Variants in RPS6KA1 observed in about 807,000 individuals in gnomAD.
The protein encoded by RPS6KA1 is ribosomal protein S6 kinase A1, also known as ribosomal protein S6 kinase alpha-1.
In RPS6KA1, 48 loss-of-function variants were observed where a neutral mutation model predicts 91.3. That is an observed-to-expected ratio of 0.53 (90% confidence interval 0.42 to 0.67). The LOEUF (loss-of-function observed/expected upper bound fraction) is 0.67, where lower values mean the gene tolerates loss of function less well. Among genes scored for constraint, RPS6KA1 ranks in the 30% least tolerant of loss-of-function variants. The pLI is 0.00. For synonymous variants in RPS6KA1, 359 were observed against 384.7 expected (o/e 0.93, Z 0.78); for missense variants, 719 against 960.5 (o/e 0.75, Z 3.32).
In RPS6KA1 at chr1:26,573,430, G is replaced by A. The variant is rs1003692646; in HGVS notation, c.2085+69G>A. 13 of 1,571,848 alleles carry A rather than the reference G, an allele frequency of 8.3e-6. No homozygotes were observed. The Admixed American group carries it at 2.2e-4, about 27-fold the overall frequency. The stretch of plus-strand genomic sequence containing the variant: ...AAGGTGGCATGGTCAGGGACTTGTG[G>A]AAGAGCCAGGCAATGCCATGTCTGT... On this transcript the variant is annotated intron_variant, in intron 21 of 21. Coordinates refer to ENST00000374168, the MANE Select transcript of RPS6KA1 (RefSeq NM_002953.4).
intron 1 of RPS6KA1, among the ~76,000 whole-genome samples, chr1:26,534,187 G>A (rs578012175): frequency 2.0e-5 from 3 of 152,314 alleles, no homozygotes; most frequent in South Asian, 4.1e-4. Flanking sequence ...GAGGGACCTC[G>A]GTGAGTCCCT....
At chr1:26,565,433 C>T (rs928627175) in intron 17 of RPS6KA1, among the ~76,000 whole-genome samples, 4 of 152,064 alleles carry the variant, frequency 2.6e-5, no homozygotes, top group Non-Finnish European at 5.9e-5. Context: ...TAACCAGTAC[C>T]CAGCTCAATA....
At chr1:26,567,990 T>G (rs2076218123) in intron 17 of RPS6KA1, among the ~76,000 whole-genome samples, 1 of 152,230 alleles carries the variant, frequency 6.6e-6, no homozygotes, top group Admixed American at 6.5e-5. Flanking sequence ...CCAACTCTCC[T>G]GGAGGTCACG....
Position 26,560,712 on chromosome 1 carries a change from T to C in RPS6KA1, c.1216-14T>C. On this transcript the variant is annotated splice_polypyrimidine_tract_variant and intron_variant, in intron 14 of 21. Coordinates refer to ENST00000374168, the MANE Select transcript of RPS6KA1 (RefSeq NM_002953.4). ...TAGAGCCAGGGGTCAGCCACAATTT[T>C]TGGTCTCCTACAGCAACTCCATGGG... is the stretch of plus-strand genomic sequence containing the variant. 1 of 1,614,068 alleles carries C rather than the reference T, an allele frequency of 6.2e-7. No individual in the cohort carries two copies. Among genetic ancestry groups the C allele is most frequent in the South Asian group, 1.1e-5 (1 of 91,076 alleles).
Position 26,551,860 on chromosome 1 carries a change from G to A in RPS6KA1, c.468+137G>A. On this transcript the variant is annotated intron_variant, in intron 6 of 21. Coordinates refer to ENST00000374168, the MANE Select transcript of RPS6KA1 (RefSeq NM_002953.4). This position sits in a 1 kb window ranked among gnomAD's most constrained non-coding sequence, Gnocchi z 4.5. ...ACCCAGGCCTGCCTAGCAGCCCCTG[G>A]CCCAGGAAATACCACGCACCCTGGA... 1 of 739,444 alleles carries A rather than the reference G, an allele frequency of 1.4e-6. No homozygotes were observed. Among genetic ancestry groups the A allele is most frequent in the Non-Finnish European group, 2.3e-6 (1 of 428,434 alleles). 45.8% of individuals were successfully genotyped at this position (739,444 alleles called of 1,614,324 possible).
rs2076156263 is a variant in RPS6KA1, at chr1:26,561,749, T to C, written c.1590+86T>C. On this transcript the variant is annotated intron_variant, in intron 17 of 21. Transcript: ENST00000374168. This position sits in a 1 kb window ranked among gnomAD's most constrained non-coding sequence, Gnocchi z 5.7. ...CATGAACCACCTGCTGGCCCAGGAATGGCAGCCTCCAGCTAGCCAAACTGA... is the reference window on the plus strand; with the variant it reads ...CATGAACCACCTGCTGGCCCAGGAACGGCAGCCTCCAGCTAGCCAAACTGA... The C allele has an allele frequency of 7.1e-7, 1 of 1,404,508 alleles. No homozygotes were observed. Among genetic ancestry groups the C allele is most frequent in the Non-Finnish European group, 9.7e-7 (1 of 1,033,610 alleles). 87.0% of individuals were successfully genotyped at this position (1,404,508 alleles called of 1,614,324 possible). A position where few individuals can be genotyped will look rare whatever the true frequency, so the allele number is the denominator to read the frequency against.
intron 4 of RPS6KA1, among the ~76,000 whole-genome samples, chr1:26,550,252 G>A (rs1303042620): frequency 2.1e-5 from 3 of 144,772 alleles, no homozygotes; most frequent in Non-Finnish European, 4.5e-5. Context: ...GCGTGATCTC[G>A]GCTCACTGCA....
In RPS6KA1 at chr1:26,556,846, C is replaced by T. The variant is rs1570446435; in HGVS notation, c.981+128C>T. The T allele has an allele frequency of 9.4e-6, 12 of 1,280,116 alleles. No homozygotes were observed. In the East Asian group the frequency reaches 2.8e-4, roughly 30 times the overall value. The allele number at this position is 1,280,116 out of a possible 1,614,324, so 79.3% of individuals were successfully genotyped here. ...CAGGAGCAGAGGGTCACAGCCTGCC[C>T]TTGAAGACAAGGGCTGGCCTCCTGA... On this transcript the variant is annotated intron_variant, in intron 12 of 21. Coordinates refer to ENST00000374168, the MANE Select transcript of RPS6KA1 (RefSeq NM_002953.4).
Position 26,574,507 on chromosome 1 carries a change from A to T in RPS6KA1, c.*306A>T. ...CATTTGCCTTTCTGGGAGCAGAAAC[A>T]GCCATTGCGGCCCCAGGAGGGGAAC... is the stretch of plus-strand genomic sequence containing the variant. On this transcript the variant is annotated 3_prime_UTR_variant, in exon 22 of 22. Coordinates refer to ENST00000374168, the MANE Select transcript of RPS6KA1 (RefSeq NM_002953.4). This position sits in a 1 kb window ranked among gnomAD's most constrained non-coding sequence, Gnocchi z 4.3. 9.6e-6 allele frequency: 5 copies of T among 520,372 alleles called. No homozygotes were observed. The highest frequency in any genetic ancestry group is 3.8e-6 in the Non-Finnish European group (1 of 260,130). 32.2% of individuals were successfully genotyped at this position (520,372 alleles called of 1,614,324 possible).
intron 14 of RPS6KA1, 80 bp from the exon 15 acceptor site, chr1:26,560,646 G>T: frequency 6.3e-7 from 1 of 1,577,322 alleles, no homozygotes; most frequent in Admixed American, 1.7e-5. Context: ...TGTCTCTACT[G>T]AGCCAAGACC....
At chr1:26,544,166 C>T (rs190001054) in intron 2 of RPS6KA1, 72 of 456,364 alleles carry the variant, frequency 1.6e-4, no homozygotes, top group Admixed American at 3.3e-4. Flanking sequence ...GGTGTCAGAC[C>T]TATCTGCCCT....
At chr1:26,567,791 C>T (rs2076216955) in intron 17 of RPS6KA1, among the ~76,000 whole-genome samples, 1 of 152,154 alleles carries the variant, frequency 6.6e-6, no homozygotes, top group Admixed American at 6.6e-5. Flanking sequence ...TTTCCCAAGC[C>T]CTTTGCTAAA....
At chr1:26,564,345 G>A (rs414546) in intron 17 of RPS6KA1, among the ~76,000 whole-genome samples, 34,368 of 151,768 alleles carry the variant, frequency 0.23, 4,537 homozygotes, top group East Asian at 0.63. Context: ...TGCAAGCTCC[G>A]CCTCCCAGGT....
At chr1:26,534,582 A>G (rs1189083221) in intron 1 of RPS6KA1, among the ~76,000 whole-genome samples, 1 of 152,190 alleles carries the variant, frequency 6.6e-6, no homozygotes, top group Non-Finnish European at 1.5e-5. Context: ...TAGCTCAAAA[A>G]TAGGGCCCAA....
Position 26,555,119 on chromosome 1 carries a change from T to C in RPS6KA1, c.757-32T>C, listed in dbSNP as rs776226661. On this transcript the variant is annotated intron_variant, in intron 9 of 21. Coordinates refer to ENST00000374168, the MANE Select transcript of RPS6KA1 (RefSeq NM_002953.4). The surrounding 1 kb of genome is among the most constrained non-coding windows in gnomAD (Gnocchi z 4.3). ...GCGGGAGGTGTGTCGGAGACAGGGA[T>C]CAGAGCCTGAATAGATCCTTGTCCT... 43 of 1,609,342 alleles carry C rather than the reference T, an allele frequency of 2.7e-5. No individual in the cohort carries two copies. Among genetic ancestry groups the C allele is most frequent in the Non-Finnish European group, 3.6e-5 (42 of 1,176,004 alleles).
Position 26,551,625 on chromosome 1 carries a change from C to T in RPS6KA1, c.389-19C>T, listed in dbSNP as rs978590946. On this transcript the variant is annotated intron_variant, in intron 5 of 21. Coordinates refer to ENST00000374168, the MANE Select transcript of RPS6KA1 (RefSeq NM_002953.4). The surrounding 1 kb of genome is among the most constrained non-coding windows in gnomAD (Gnocchi z 4.5). Reference sequence around the variant, plus strand: ...TAAGGCCGCGCCGACTCTACCATTGCCTTTCTCCCTCTTCCCAGCCTTCCA... The same window carrying T: ...TAAGGCCGCGCCGACTCTACCATTGTCTTTCTCCCTCTTCCCAGCCTTCCA... The T allele has an allele frequency of 6.2e-7, 1 of 1,612,768 alleles. No homozygotes were observed. The highest frequency in any genetic ancestry group is 1.3e-5 in the African/African-American group (1 of 74,902).
rs1011623714 is a variant in RPS6KA1, at chr1:26,554,830, C to T, written c.756+92C>T. ...GTGAGGGGGTTGATCATTTCTAGGG[C>T]TCTCCCCGTCTCCTCTCACAGCCAA... On this transcript the variant is annotated intron_variant, in intron 9 of 21. Coordinates refer to ENST00000374168, the MANE Select transcript of RPS6KA1 (RefSeq NM_002953.4). This position sits in a 1 kb window ranked among gnomAD's most constrained non-coding sequence, Gnocchi z 4.6. The T allele has an allele frequency of 4.1e-6, 6 of 1,454,058 alleles. No homozygotes were observed. The highest frequency in any genetic ancestry group is 2.7e-5 in the South Asian group (2 of 74,010). The allele number at this position is 1,454,058 out of a possible 1,614,324, so 90.1% of individuals were successfully genotyped here. A position where few individuals can be genotyped will look rare whatever the true frequency, so the allele number is the denominator to read the frequency against.
chr1:26,536,818 C>T, intron 1 of RPS6KA1, 107 bp from the exon 2 acceptor site: 1 of 1,258,606 alleles, frequency 7.9e-7, no homozygotes, highest in Non-Finnish European at 1.2e-6. Flanking sequence ...ACCACCATGG[C>T]CTCCATGGCT....
Position 26,558,763 on chromosome 1 carries a change from G to A in RPS6KA1, c.1085-44G>A, listed in dbSNP as rs765152714. 4 of 1,573,092 alleles carry A rather than the reference G, an allele frequency of 2.5e-6. No homozygotes were observed. The highest frequency in any genetic ancestry group is 2.6e-6 in the Non-Finnish European group (3 of 1,150,510). On this transcript the variant is annotated intron_variant, in intron 13 of 21. Coordinates refer to ENST00000374168, the MANE Select transcript of RPS6KA1 (RefSeq NM_002953.4). This position sits in a 1 kb window ranked among gnomAD's most constrained non-coding sequence, Gnocchi z 4.0. ...TTTGCTGGGCTGCCTCAGGGTCGAG[G>A]GGACCTCCTCAGGTACCCTCACATT...
Sources: gnomAD v4.1 joint callset for allele counts (sites outside exome capture counted in the v4.1 genomes callset) on GRCh38, gnomAD v4.1.1 for gene constraint, Gnocchi (gnomAD v3.1) non-coding constraint, MANE v1.5 for transcripts, NCBI Gene and HGNC (gene_info 2026-07-23, HGNC 2026-07-21) for gene names.